Variants in GTPBP10 observed in about 807,000 individuals in gnomAD.
GTPBP10 encodes GTP-binding protein 10.
In GTPBP10, 38 loss-of-function variants were observed where a neutral mutation model predicts 44.8. The observed-to-expected ratio is 0.85, with a 90% CI of 0.65 to 1.11. The LOEUF (loss-of-function observed/expected upper bound fraction) is 1.11, where lower values mean the gene tolerates loss of function less well. GTPBP10 is among the 50% of genes most tolerant of loss of function. The pLI, the probability that GTPBP10 is intolerant of heterozygous loss-of-function variation, is 0.00. For missense variants in GTPBP10, 462 were observed against 453.7 expected (o/e 1.02, Z -0.17); for synonymous variants, 152 against 150.6 (o/e 1.01, Z -0.07).
intron 8 of GTPBP10, 75 bp from the exon 9 acceptor site, chr7:90,382,881 G>C (rs561500204): frequency 6.0e-6 from 6 of 995,310 alleles, no homozygotes; most frequent in African/African-American, 1.6e-5. Flanking sequence ...GATCACCTGG[G>C]TCATTAATTA....
At chr7:90,368,958 G>A (rs371517675) in intron 4 of GTPBP10, among the ~76,000 whole-genome samples, 1 of 152,280 alleles carries the variant, frequency 6.6e-6, no homozygotes. Flanking sequence ...TGATGTTGGT[G>A]ACCTACGATG....
At chr7:90,361,935 T>G (rs536612810) in intron 4 of GTPBP10, among the ~76,000 whole-genome samples, 4 of 152,228 alleles carry the variant, frequency 2.6e-5, no homozygotes, top group Non-Finnish European at 5.9e-5. Flanking sequence ...TTTATAGTAT[T>G]GTCTGATGGT....
intron 4 of GTPBP10, chr7:90,371,117 TTTAAAG>T: frequency 1.5e-6 from 1 of 653,538 alleles, no homozygotes; most frequent in Non-Finnish European, 1.9e-6. Flanking sequence ...CATTGCATTG[TTTAAAG>T]TTATTTTAAA....
At chr7:90,364,804 C>G (rs75597079) in intron 4 of GTPBP10, among the ~76,000 whole-genome samples, 1 of 152,168 alleles carries the variant, frequency 6.6e-6, no homozygotes, top group Non-Finnish European at 1.5e-5. Flanking sequence ...GGCTTTGTTA[C>G]CTACTCAAGC....
At chr7:90,382,132 G>A (rs190954801) in intron 8 of GTPBP10, among the ~76,000 whole-genome samples, 1 of 152,124 alleles carries the variant, frequency 6.6e-6, no homozygotes, top group East Asian at 1.9e-4. Flanking sequence ...AAGGGAATGG[G>A]AGAAAATATT....
intron 4 of GTPBP10, among the ~76,000 whole-genome samples, chr7:90,362,317 A>G (rs1478101092): frequency 6.6e-6 from 1 of 151,956 alleles, no homozygotes; most frequent in Non-Finnish European, 1.5e-5. Context: ...TGTCCCTGAG[A>G]TACTGGTATG....
intron 4 of GTPBP10, among the ~76,000 whole-genome samples, chr7:90,364,571 C>A (rs192605125): frequency 6.6e-5 from 10 of 152,292 alleles, no homozygotes; most frequent in South Asian, 6.2e-4. Flanking sequence ...TTAGGCTACT[C>A]GGGGATCAGG....
chr7:90,375,377 C>G (rs1247313607), intron 6 of GTPBP10, among the ~76,000 whole-genome samples: 1 of 151,912 alleles, frequency 6.6e-6, no homozygotes, highest in Non-Finnish European at 1.5e-5. Flanking sequence ...TTGTTAAAAT[C>G]CATAGAATGT....
At chr7:90,355,372 T>C (rs986617387) in intron 4 of GTPBP10, 142 bp downstream of exon 4, 3 of 504,220 alleles carry the variant, frequency 5.9e-6, no homozygotes, top group Non-Finnish European at 1.0e-5. Flanking sequence ...GAAAATATGC[T>C]GCTAAATATT....
At position 90,385,097 on chromosome 7, in the gene GTPBP10, T is replaced by C; in HGVS notation, c.1107T>C (p.Ser369=). The part of the protein sequence containing the change: ...LLNLWISDTM[S]STEPPSKHAV... ...ATTTGTGGATTTCTGATACAATGTC[T>C]TCTACTGAGCCACCATCAAAGCATG... The change falls in exon 10 of 10, where the codon TCT becomes TCC. Residue 369 remains serine (S), a synonymous_variant. Coordinates refer to ENST00000222511, the MANE Select transcript of GTPBP10 (RefSeq NM_033107.4). 6.2e-7 allele frequency: 1 copy of C among 1,612,812 alleles called. No individual in the cohort carries two copies. Among genetic ancestry groups the C allele is most frequent in the South Asian group, 1.1e-5 (1 of 91,002 alleles).
chr7:90,362,623 G>T (rs1379254763), intron 4 of GTPBP10, among the ~76,000 whole-genome samples: 1 of 152,186 alleles, frequency 6.6e-6, no homozygotes, highest in Non-Finnish European at 1.5e-5. Context: ...ATTTGGGGTG[G>T]AGAGTTCTGT....
Position 90,350,342 on chromosome 7 carries a change from G to GAAT in GTPBP10, c.34-2472_34-2470dup, listed in dbSNP as rs548738254. 1.4e-3 allele frequency among the ~76,000 whole-genome samples: 209 copies of GAAT among 152,308 alleles called. 2 individuals are homozygous for GAAT. Among genetic ancestry groups the GAAT allele is most frequent in the South Asian group, 0.011 (51 of 4,828 alleles). On this transcript the variant is annotated intron_variant, in intron 1 of 9. Coordinates refer to ENST00000222511, the MANE Select transcript of GTPBP10 (RefSeq NM_033107.4). ...GTTGGTTCCAAGTCTTTGCTGTTGT[G>GAAT]AATAGTGCCACAATAAACATACGTG...
chr7:90,384,842 T>C, intron 9 of GTPBP10, 50 bp from the exon 10 acceptor site: 1 of 1,535,720 alleles, frequency 6.5e-7, no homozygotes, highest in South Asian at 1.3e-5. Flanking sequence ...TGGTTTTAAC[T>C]AACTTTCGAA....
intron 4 of GTPBP10, among the ~76,000 whole-genome samples, chr7:90,366,054 G>A (rs1796128456): frequency 6.6e-6 from 1 of 152,198 alleles, no homozygotes; most frequent in African/African-American, 2.4e-5. Flanking sequence ...CTGTTTATGT[G>A]ATGGATTAGG....
intron 8 of GTPBP10, among the ~76,000 whole-genome samples, chr7:90,380,924 A>G (rs1474945998): frequency 6.6e-6 from 1 of 152,056 alleles, no homozygotes; most frequent in Non-Finnish European, 1.5e-5. Context: ...CACTTAGCAT[A>G]GTGTTCTCCA....
At chr7:90,379,876 G>A (rs1014492928) in intron 8 of GTPBP10, among the ~76,000 whole-genome samples, 2 of 152,128 alleles carry the variant, frequency 1.3e-5, no homozygotes, top group African/African-American at 4.8e-5. Flanking sequence ...TGGGAGTGCA[G>A]TGGTATTTTG....
intron 9 of GTPBP10, 120 bp from the exon 10 acceptor site, chr7:90,384,772 G>GA (rs35157693): frequency 1.1e-6 from 1 of 906,266 alleles, no homozygotes; most frequent in East Asian, 2.6e-5. Context: ...TAGAAAAGGT[G>GA]AAAAAAGGCA....
At chr7:90,354,283 A>G (rs905733341) in intron 2 of GTPBP10, among the ~76,000 whole-genome samples, 175 bp from the exon 3 acceptor site, 1 of 152,202 alleles carries the variant, frequency 6.6e-6, no homozygotes, top group Non-Finnish European at 1.5e-5. Context: ...TCTAAAATGC[A>G]AAGAAATAAT....
chr7:90,365,312 T>A (rs925833897), intron 4 of GTPBP10, among the ~76,000 whole-genome samples: 1 of 152,038 alleles, frequency 6.6e-6, no homozygotes, highest in African/African-American at 2.4e-5. Context: ...GTCCTGAGAC[T>A]TTGCTGAAGT....
Sources: gnomAD v4.1 joint callset for allele counts (sites outside exome capture counted in the v4.1 genomes callset) on GRCh38, gnomAD v4.1.1 for gene constraint, MANE v1.5 for transcripts, NCBI Gene and HGNC (gene_info 2026-07-23, HGNC 2026-07-21) for gene names.